The following PPFIBP1 variants were observed in gnomAD, a reference collection of about 807,000 sequenced individuals.
PPFIBP1 encodes liprin-beta-1.
In PPFIBP1, 112 loss-of-function variants were observed where a neutral mutation model predicts 137.8. The observed-to-expected ratio is 0.81, with a 90% CI of 0.70 to 0.95. The LOEUF (loss-of-function observed/expected upper bound fraction) is 0.95, where lower values mean the gene tolerates loss of function less well. Among genes scored for constraint, PPFIBP1 ranks in the 40% least tolerant of loss-of-function variants. The pLI, the probability that PPFIBP1 is intolerant of heterozygous loss-of-function variation, is 0.00. For missense variants in PPFIBP1, 1,083 were observed against 1,196.6 expected (o/e 0.91, Z 1.40); for synonymous variants, 378 against 417.3 (o/e 0.91, Z 1.15).
intron 1 of PPFIBP1, among the ~76,000 whole-genome samples, chr12:27,553,852 CT>C (rs752593917): frequency 2.2e-4 from 33 of 152,228 alleles, no homozygotes; most frequent in Non-Finnish European, 4.0e-4. Context: ...CTTCCCTCCT[CT>C]TTATCTTCCA....
At chr12:27,586,579 C>T (rs1404430312) in intron 2 of PPFIBP1, among the ~76,000 whole-genome samples, 1 of 152,074 alleles carries the variant, frequency 6.6e-6, no homozygotes, top group Non-Finnish European at 1.5e-5. Context: ...CGCCTATAGT[C>T]CCAGCTACTT....
In PPFIBP1 at chr12:27,577,705, A is replaced by G. The variant is rs142450975; in HGVS notation, c.-123-447A>G. 2.7e-3 allele frequency among the ~76,000 whole-genome samples: 407 copies of G among 152,356 alleles called. 1 individual carries two copies. The highest frequency in any genetic ancestry group is 9.0e-3 in the African/African-American group (375 of 41,568). On this transcript the variant is annotated intron_variant, in intron 1 of 29. Coordinates refer to ENST00000228425, the MANE Select transcript of PPFIBP1 (RefSeq NM_003622.4). ...GTATGTATTTCTACATATTTTATAC[A>G]ACTTGTTCCTGTTGGACAACAAAAT...
chr12:27,664,539 C>A (rs952444177), intron 12 of PPFIBP1, 93 bp downstream of exon 12: 1 of 809,976 alleles, frequency 1.2e-6, no homozygotes, highest in Non-Finnish European at 2.1e-6. Context: ...CTGGATCATA[C>A]CCATTGTCCC....
In PPFIBP1 at chr12:27,595,887, ATATATATATATATAT is replaced by A. The variant is rs1409324914; in HGVS notation, c.-36+17649_-36+17663del. On this transcript the variant is annotated intron_variant, in intron 2 of 29. Transcript: ENST00000228425. Reference sequence around the variant, plus strand: ...CAACAACAACAACAACAACAACAAAATATATATATATATATATATATATATATATATATATTTTAT... The same window carrying A: ...CAACAACAACAACAACAACAACAAAAATATATATATATATATATATTTTAT... Among the ~76,000 whole-genome samples, 178 of 96,866 alleles carry A rather than the reference ATATATATATATATAT, an allele frequency of 1.8e-3. 1 individual carries two copies. Among genetic ancestry groups the A allele is most frequent in the East Asian group, 4.8e-3 (17 of 3,524 alleles). The allele number at this position is 96,866 out of a possible 152,430, so 63.5% of individuals were successfully genotyped here.
intron 2 of PPFIBP1, among the ~76,000 whole-genome samples, chr12:27,593,147 AAAAG>A (rs1277688302): frequency 6.6e-6 from 1 of 151,384 alleles, no homozygotes; most frequent in Admixed American, 6.6e-5. Context: ...AAAAAAAAAA[AAAAG>A]CCCAAGTGTC....
intron 7 of PPFIBP1, among the ~76,000 whole-genome samples, chr12:27,651,485 A>G (rs2058871157): frequency 6.6e-6 from 1 of 152,132 alleles, no homozygotes; most frequent in Admixed American, 6.6e-5. Context: ...GGCTCTTAAA[A>G]CAGGACTTAG....
chr12:27,689,288 T>G, intron 27 of PPFIBP1, 85 bp downstream of exon 27: 10 of 1,338,702 alleles, frequency 7.5e-6, no homozygotes, highest in South Asian at 3.1e-5. Flanking sequence ...TTTTCTGGGG[T>G]TTACTAAGTT....
At chr12:27,674,425 G>A (rs375793480) in intron 17 of PPFIBP1, among the ~76,000 whole-genome samples, 9 of 43,300 alleles carry the variant, frequency 2.1e-4, no homozygotes, top group East Asian at 1.0e-3. Context: ...AATGCAGATC[G>A]GTGGTTACCA....
At chr12:27,565,925 GC>G (rs2049618622) in intron 1 of PPFIBP1, among the ~76,000 whole-genome samples, 1 of 128,026 alleles carries the variant, frequency 7.8e-6, no homozygotes, top group East Asian at 2.4e-4. Context: ...TTCTTAAATA[GC>G]CCCCATAACT....
intron 2 of PPFIBP1, among the ~76,000 whole-genome samples, chr12:27,596,167 G>A (rs1261545153): frequency 2.0e-5 from 3 of 149,854 alleles, no homozygotes; most frequent in Admixed American, 6.7e-5. Context: ...GAACCTCAAC[G>A]CATTGGAATC....
intron 2 of PPFIBP1, chr12:27,592,380 A>C (rs1237705727): frequency 1.7e-6 from 1 of 579,576 alleles, no homozygotes; most frequent in African/African-American, 1.9e-5. Flanking sequence ...ATTGAGGAAA[A>C]AATAAACTAT....
At chr12:27,585,597 G>A (rs1170903681) in intron 2 of PPFIBP1, among the ~76,000 whole-genome samples, 2 of 152,158 alleles carry the variant, frequency 1.3e-5, no homozygotes, top group African/African-American at 4.8e-5. Flanking sequence ...CAGAACATAG[G>A]GTCTTTTGTC....
intron 1 of PPFIBP1, among the ~76,000 whole-genome samples, chr12:27,554,552 G>C (rs370493260): frequency 3.9e-5 from 6 of 152,192 alleles, no homozygotes; most frequent in African/African-American, 1.4e-4. Flanking sequence ...TGTATGTCAC[G>C]CTGTGAATAT....
chr12:27,639,873 T>C (rs2057984801), intron 4 of PPFIBP1, among the ~76,000 whole-genome samples: 1 of 152,210 alleles, frequency 6.6e-6, no homozygotes, highest in Non-Finnish European at 1.5e-5. Flanking sequence ...CTGTTCTTCC[T>C]GAGTCCCTGA....
At chr12:27,555,812 T>A (rs1345604770) in intron 1 of PPFIBP1, among the ~76,000 whole-genome samples, 1 of 152,222 alleles carries the variant, frequency 6.6e-6, no homozygotes, top group African/African-American at 2.4e-5. Flanking sequence ...TTGACAAATA[T>A]GTTTATTATT....
rs1566031415 is a variant in PPFIBP1, at chr12:27,692,574, T to C, written c.2866-17T>C. On this transcript the variant is annotated splice_polypyrimidine_tract_variant and intron_variant, in intron 28 of 29. Coordinates refer to ENST00000228425, the MANE Select transcript of PPFIBP1 (RefSeq NM_003622.4). ...TTGTGAAAACACTTATGTCATGTTA[T>C]GGTTTGTTATTTGCAGATGGAAGAT... The C allele has an allele frequency of 5.0e-6, 8 of 1,611,462 alleles. No homozygotes were observed. The Admixed American group carries it at 6.7e-5, about 13-fold the overall frequency.
At chr12:27,585,261 T>C (rs780419263) in intron 2 of PPFIBP1, among the ~76,000 whole-genome samples, 3 of 152,244 alleles carry the variant, frequency 2.0e-5, no homozygotes, top group Non-Finnish European at 4.4e-5. Flanking sequence ...CACTTTGTAC[T>C]ATAAGTCTGT....
chr12:27,594,009 C>G (rs1253221806), intron 2 of PPFIBP1: 9 of 1,347,352 alleles, frequency 6.7e-6, no homozygotes, highest in Non-Finnish European at 8.6e-6. Flanking sequence ...CTGTCGTCCT[C>G]TATGTCGCTG....
At chr12:27,686,766 G>C (rs1043473310) in intron 24 of PPFIBP1, among the ~76,000 whole-genome samples, 3 of 152,040 alleles carry the variant, frequency 2.0e-5, no homozygotes, top group African/African-American at 7.2e-5. Context: ...GCTAGGAGCG[G>C]TGCCTCACGC....
Sources: gnomAD v4.1 joint callset for allele counts (sites outside exome capture counted in the v4.1 genomes callset) on GRCh38, gnomAD v4.1.1 for gene constraint, MANE v1.5 for transcripts, NCBI Gene and HGNC (gene_info 2026-07-23, HGNC 2026-07-21) for gene names.